Variants in RAB10 observed in about 807,000 individuals in gnomAD.
RAB10 encodes the protein ras-related protein Rab-10.
Under a neutral mutation model 25.7 loss-of-function variants are expected in RAB10, and 5 were observed. The ratio of observed to expected loss-of-function variants is 0.19; its 90% CI spans 0.10 to 0.41. RAB10 has a LOEUF of 0.41. RAB10 is among the 10% of genes least tolerant of loss of function. The pLI, the probability that RAB10 is intolerant of heterozygous loss-of-function variation, is 1.00. For missense variants in RAB10, 103 were observed against 245.8 expected (o/e 0.42, Z 3.89); for synonymous variants, 89 against 86.4 (o/e 1.03, Z -0.16).
chr2:26,054,762 A>G (rs1462131274), intron 1 of RAB10, among the ~76,000 whole-genome samples: 1 of 152,158 alleles, frequency 6.6e-6, no homozygotes, highest in African/African-American at 2.4e-5. Context: ...ATTTTGCTAC[A>G]TTTGTTTTTA....
chr2:26,079,985 A>G (rs1666833200), intron 1 of RAB10, among the ~76,000 whole-genome samples: 1 of 152,172 alleles, frequency 6.6e-6, no homozygotes, highest in East Asian at 1.9e-4. Context: ...AATAAAAGGA[A>G]CTAGGGCCCC....
At chr2:26,105,620 A>T (rs527516171) in intron 2 of RAB10, among the ~76,000 whole-genome samples, 6 of 152,192 alleles carry the variant, frequency 3.9e-5, no homozygotes, top group African/African-American at 1.2e-4. Context: ...GTGCCACTGT[A>T]CTCTGTGAGA....
At chr2:26,122,735 A>G (rs1030606882) in intron 3 of RAB10, among the ~76,000 whole-genome samples, 8 of 152,346 alleles carry the variant, frequency 5.3e-5, no homozygotes, top group African/African-American at 1.9e-4. Flanking sequence ...TAGAGGAGTT[A>G]ATGCCAGCAA....
rs896809757 is a variant in RAB10, at chr2:26,034,139, C to G, written c.-470C>G. ...GGGCACGGGGAAAAGGTGGCTCTGG[C>G]CGGGGTGGCTCGGTTTCCTGGGGCT... On this transcript the variant is annotated 5_prime_UTR_variant, in exon 1 of 6. Coordinates refer to ENST00000264710, the MANE Select transcript of RAB10 (RefSeq NM_016131.5). 6 of 406,746 alleles carry G rather than the reference C, an allele frequency of 1.5e-5. No homozygotes were observed. Among genetic ancestry groups the G allele is most frequent in the Admixed American group, 4.2e-5 (1 of 24,014 alleles). The allele number at this position is 406,746 out of a possible 1,614,324, so 25.2% of individuals were successfully genotyped here. A position where few individuals can be genotyped will look rare whatever the true frequency, so the allele number is the denominator to read the frequency against.
At chr2:26,062,206 A>G (rs1666413599) in intron 1 of RAB10, among the ~76,000 whole-genome samples, 1 of 152,254 alleles carries the variant, frequency 6.6e-6, no homozygotes, top group Non-Finnish European at 1.5e-5. Context: ...GTTTAAAAAC[A>G]TAGTAATAGA....
Position 26,135,069 on chromosome 2 carries a change from C to A in RAB10, c.*48C>A. On this transcript the variant is annotated 3_prime_UTR_variant, in exon 6 of 6. Transcript: ENST00000264710. ...GCCATCCACTACCCCGTTTTCTCTT[C>A]TTGCTGCAAAATAAACCACTCTGTC... The A allele has an allele frequency of 1.4e-6, 2 of 1,476,998 alleles. No homozygotes were observed. The highest frequency in any genetic ancestry group is 1.2e-5 in the South Asian group (1 of 84,504). 91.5% of individuals were successfully genotyped at this position (1,476,998 alleles called of 1,614,324 possible). A position where few individuals can be genotyped will look rare whatever the true frequency, so the allele number is the denominator to read the frequency against.
At chr2:26,050,810 A>G (rs771980380) in intron 1 of RAB10, among the ~76,000 whole-genome samples, 48 of 151,714 alleles carry the variant, frequency 3.2e-4, no homozygotes, top group Admixed American at 5.3e-4. Context: ...TTTTTTTTCT[A>G]TACATGGGTC....
intron 3 of RAB10, among the ~76,000 whole-genome samples, chr2:26,123,326 C>T (rs1375352196): frequency 6.6e-6 from 1 of 152,126 alleles, no homozygotes; most frequent in Non-Finnish European, 1.5e-5. Context: ...GCATCTAGAT[C>T]AGGGGATCAT....
intron 1 of RAB10, among the ~76,000 whole-genome samples, chr2:26,071,776 A>AGGATTGTTT (rs1380350682): frequency 6.6e-6 from 1 of 151,478 alleles, no homozygotes; most frequent in Non-Finnish European, 1.5e-5. Flanking sequence ...CTGAAGCGGG[A>AGGATTGTTT]GGATTGTTTG....
intron 1 of RAB10, among the ~76,000 whole-genome samples, chr2:26,084,760 T>A (rs943077587): frequency 1.3e-5 from 2 of 152,162 alleles, no homozygotes; most frequent in Admixed American, 1.3e-4. Flanking sequence ...TCATCTTTTT[T>A]AAGGGTAAAA....
At position 26,085,998 on chromosome 2, in the gene RAB10, CAAAAAAAAAA is replaced by C. The variant is rs71399354; in HGVS notation, c.128-12654_128-12645del. ...TGGGCAACAAGAGCAAAACTGTCTC[CAAAAAAAAAA>C]AAAAAAAAAGGGGGGGGGCAAAGGG... On this transcript the variant is annotated intron_variant, in intron 1 of 5. Coordinates refer to ENST00000264710, the MANE Select transcript of RAB10 (RefSeq NM_016131.5). Among the ~76,000 whole-genome samples, 5 of 54,608 alleles carry C rather than the reference CAAAAAAAAAA, an allele frequency of 9.2e-5. 1 individual carries two copies. The highest frequency in any genetic ancestry group is 3.7e-4 in the African/African-American group (5 of 13,612). The allele number at this position is 54,608 out of a possible 152,430, so 35.8% of individuals were successfully genotyped here.
chr2:26,128,633 G>GT (rs1667950856), intron 5 of RAB10, among the ~76,000 whole-genome samples: 1 of 151,980 alleles, frequency 6.6e-6, no homozygotes, highest in Non-Finnish European at 1.5e-5. Flanking sequence ...AATCTATTAA[G>GT]TAGTTATTGC....
chr2:26,034,037 C>T (rs1018199131), upstream of RAB10: 16 of 399,634 alleles, frequency 4.0e-5, no homozygotes, highest in Non-Finnish European at 6.6e-5. Context: ...AGAGGCGGAC[C>T]GCAAGGCTAG....
chr2:26,130,878 T>TA (rs1667999545), intron 5 of RAB10, among the ~76,000 whole-genome samples: 2 of 152,190 alleles, frequency 1.3e-5, no homozygotes, highest in African/African-American at 4.8e-5. Flanking sequence ...ACAATCGAGT[T>TA]AAAGACCAGG....
chr2:26,056,076 A>G (rs1393299174), intron 1 of RAB10, among the ~76,000 whole-genome samples: 1 of 151,560 alleles, frequency 6.6e-6, no homozygotes, highest in Non-Finnish European at 1.5e-5. Flanking sequence ...TTTTTAGTAG[A>G]GATGAGATCT....
At chr2:26,067,628 G>A (rs1380535392) in intron 1 of RAB10, among the ~76,000 whole-genome samples, 1 of 152,132 alleles carries the variant, frequency 6.6e-6, no homozygotes, top group Admixed American at 6.5e-5. Flanking sequence ...GTCCTAAAAA[G>A]GAAAATGTCA....
chr2:26,087,647 C>A (rs1001364018), intron 1 of RAB10, among the ~76,000 whole-genome samples: 1 of 152,158 alleles, frequency 6.6e-6, no homozygotes, highest in Non-Finnish European at 1.5e-5. Flanking sequence ...GGTGATCTGC[C>A]CACGTTGGTC....
intron 1 of RAB10, among the ~76,000 whole-genome samples, chr2:26,091,738 A>G (rs1667110745): frequency 6.6e-6 from 1 of 152,164 alleles, no homozygotes; most frequent in South Asian, 2.1e-4. Context: ...AAGATAGAAA[A>G]GAGAAGTCCA....
chr2:26,057,468 A>C (rs1330870752), intron 1 of RAB10, among the ~76,000 whole-genome samples: 1 of 152,080 alleles, frequency 6.6e-6, no homozygotes, highest in Non-Finnish European at 1.5e-5. Flanking sequence ...AAAAACTATA[A>C]GGAATATTAA....
Sources: gnomAD v4.1 joint callset for allele counts (sites outside exome capture counted in the v4.1 genomes callset) on GRCh38, gnomAD v4.1.1 for gene constraint, MANE v1.5 for transcripts, NCBI Gene and HGNC (gene_info 2026-07-23, HGNC 2026-07-21) for gene names.